Variants in CD5 observed in about 807,000 individuals in gnomAD.
CD5 encodes the protein CD5 molecule.
CD5 carries 36 observed loss-of-function variants against 60.3 expected under a neutral mutation model. The observed-to-expected ratio is 0.60, with a 90% confidence interval of 0.46 to 0.79. The LOEUF (loss-of-function observed/expected upper bound fraction) is 0.79. CD5 is among the 30% of genes least tolerant of loss of function. The probability of loss-of-function intolerance (pLI) is 0.00; values close to 1 mark genes in which losing one functional copy is unlikely to be tolerated. For synonymous variants in CD5, 230 were observed against 257.6 expected (o/e 0.89, Z 1.03); for missense variants, 540 against 630.6 (o/e 0.86, Z 1.54).
intron 10 of CD5, 147 bp from the exon 11 acceptor site, chr11:61,126,141 T>A: frequency 4.2e-6 from 1 of 235,564 alleles, no homozygotes; most frequent in Non-Finnish European, 8.2e-6. Context: ...CCTCTAGAGC[T>A]GCCAACCTGC....
chr11:61,102,900 A>G (rs1346996709), intron 1 of CD5, among the ~76,000 whole-genome samples: 1 of 152,200 alleles, frequency 6.6e-6, no homozygotes, highest in Admixed American at 6.5e-5. Flanking sequence ...GGGGACCCGC[A>G]TTTGATGGGG....
upstream of CD5, chr11:61,102,356 CAG>C (rs1860705503): frequency 1.7e-6 from 1 of 591,624 alleles, no homozygotes; most frequent in Admixed American, 3.0e-5. Flanking sequence ...GCCATTCAAA[CAG>C]GGGCAGGTGG....
chr11:61,104,777 T>C (rs973111610), intron 1 of CD5, among the ~76,000 whole-genome samples: 2 of 152,200 alleles, frequency 1.3e-5, no homozygotes, highest in African/African-American at 4.8e-5. Flanking sequence ...ATTGGCCCCA[T>C]TTTACAGTGG....
At chr11:61,123,160 C>A in intron 7 of CD5, 128 bp downstream of exon 7, 1 of 1,072,908 alleles carries the variant, frequency 9.3e-7, no homozygotes, top group Non-Finnish European at 1.3e-6. Flanking sequence ...GCTTCACCAC[C>A]CAGCCTTCCC....
intron 1 of CD5, among the ~76,000 whole-genome samples, chr11:61,103,181 A>G (rs1241808551): frequency 6.6e-6 from 1 of 152,174 alleles, no homozygotes; most frequent in Non-Finnish European, 1.5e-5. Flanking sequence ...TCAGTCCCAG[A>G]GGGGCCCAGC....
chr11:61,108,796 T>G (rs1437165473), intron 1 of CD5, among the ~76,000 whole-genome samples: 1 of 152,162 alleles, frequency 6.6e-6, no homozygotes, highest in African/African-American at 2.4e-5. Flanking sequence ...TCATAGGTGT[T>G]TTATCTGTGG....
chr11:61,097,846 G>A (rs980383704), upstream of CD5, among the ~76,000 whole-genome samples: 1 of 152,110 alleles, frequency 6.6e-6, no homozygotes, highest in Non-Finnish European at 1.5e-5. Flanking sequence ...CGAATCATAC[G>A]GTTACAAGCT....
chr11:61,114,698 G>A (rs1159656603), intron 1 of CD5, among the ~76,000 whole-genome samples: 1 of 152,102 alleles, frequency 6.6e-6, no homozygotes, highest in South Asian at 2.1e-4. Context: ...TAGCATGAGG[G>A]AATTTGAGGT....
the CD5 span, among the ~76,000 whole-genome samples, chr11:61,094,971 G>GT: frequency 6.6e-6 from 1 of 152,158 alleles, no homozygotes; most frequent in Non-Finnish European, 1.5e-5. Context: ...GTTACAGCTA[G>GT]TTTTGGACCC....
chr11:61,122,959 C>T lies in CD5; in HGVS notation c.1152C>T (p.Ile384=). 6.2e-7 allele frequency: 1 copy of T among 1,614,164 alleles called. No homozygotes were observed. Among genetic ancestry groups the T allele is most frequent in the Non-Finnish European group, 8.5e-7 (1 of 1,179,982 alleles). Reference sequence around the variant, plus strand: ...CCGCAGGCACGGTGGCAAGCATCATCCTGGCCCTGGTGCTCCTGGTGGTGC... The same window carrying T: ...CCGCAGGCACGGTGGCAAGCATCATTCTGGCCCTGGTGCTCCTGGTGGTGC... ...GLAAGTVASI[I]LALVLLVVLL... The change falls in exon 7 of 11, where the codon ATC becomes ATT. Residue 384 remains isoleucine, a synonymous_variant. Transcript: ENST00000347785.
intron 2 of CD5, among the ~76,000 whole-genome samples, chr11:61,115,707 A>G (rs1348596068): frequency 2.0e-5 from 3 of 152,228 alleles, no homozygotes; most frequent in Non-Finnish European, 4.4e-5. Flanking sequence ...TTATTTCACC[A>G]CAGACCTCTC....
At chr11:61,126,252 T>C (rs1000049833) in intron 10 of CD5, 36 bp from the exon 11 acceptor site, 7 of 160,588 alleles carry the variant, frequency 4.4e-5, no homozygotes, top group African/African-American at 1.7e-4. Context: ...ACCTCTGCGG[T>C]GTCTTCCTCT....
At chr11:61,098,333 G>C (rs1468636276), upstream of CD5, among the ~76,000 whole-genome samples, 2 of 152,192 alleles carry the variant, frequency 1.3e-5, no homozygotes, top group African/African-American at 4.8e-5. Context: ...AAGAAGACAT[G>C]GTAGTGAAAA....
chr11:61,100,075 TCACA>T (rs1034930115), upstream of CD5, among the ~76,000 whole-genome samples: 1 of 30,812 alleles, frequency 3.2e-5, no homozygotes, highest in Non-Finnish European at 6.3e-5. Flanking sequence ...TGGAGATCAC[TCACA>T]CACATCAACA....
upstream of CD5, among the ~76,000 whole-genome samples, chr11:61,100,035 C>T (rs529960760): frequency 2.2e-4 from 32 of 146,810 alleles, no homozygotes; most frequent in East Asian, 1.2e-3. Flanking sequence ...CACACACACA[C>T]GACATGGAGA....
At chr11:61,123,184 TA>T in intron 7 of CD5, 152 bp downstream of exon 7, 1 of 906,724 alleles carries the variant, frequency 1.1e-6, no homozygotes, top group Non-Finnish European at 1.6e-6. Context: ...TCCTGCCCAT[TA>T]GCCATTTTCT....
chr11:61,116,301 G>A (rs1312169594), intron 2 of CD5, among the ~76,000 whole-genome samples: 2 of 151,780 alleles, frequency 1.3e-5, no homozygotes, highest in Admixed American at 6.6e-5. Context: ...CCCCGACGTC[G>A]ACCCCAACAC....
At chr11:61,106,106 C>A (rs1195018585) in intron 1 of CD5, among the ~76,000 whole-genome samples, 2 of 112,552 alleles carry the variant, frequency 1.8e-5, no homozygotes, top group East Asian at 5.5e-4. Flanking sequence ...GCCTGGGCAA[C>A]AGAGCAAGAC....
In CD5 at chr11:61,118,851, T is replaced by C; in HGVS notation, c.401-64T>C. The C allele has an allele frequency of 8.4e-7, 1 of 1,195,042 alleles. No individual in the cohort carries two copies. Among genetic ancestry groups the C allele is most frequent in the Non-Finnish European group, 1.2e-6 (1 of 808,974 alleles). 74.0% of individuals were successfully genotyped at this position (1,195,042 alleles called of 1,614,324 possible). On this transcript the variant is annotated intron_variant, in intron 3 of 10. Coordinates refer to ENST00000347785, the MANE Select transcript of CD5 (RefSeq NM_014207.4). This position sits in a 1 kb window ranked among gnomAD's most constrained non-coding sequence, Gnocchi z 4.7. ...CAGGAGCTCCTGGTCCTCTCAAGGC[T>C]GCTGGCTGCCCCCGGCCCTCCCCAC... is the stretch of plus-strand genomic sequence containing the variant.
Sources: allele counts gnomAD v4.1 joint callset (sites outside exome capture counted in the v4.1 genomes callset), GRCh38; gene constraint gnomAD v4.1.1; non-coding constraint Gnocchi (gnomAD v3.1); transcripts MANE v1.5; gene names NCBI Gene and HGNC (gene_info 2026-07-23, HGNC 2026-07-21).